The following MEI1 variants were observed in gnomAD, a reference collection of about 807,000 sequenced individuals.
The protein encoded by MEI1 is meiosis inhibitor protein 1.
Under a neutral mutation model 146.2 loss-of-function variants are expected in MEI1, and 103 were observed. That is an observed-to-expected ratio of 0.70 (90% CI 0.60 to 0.83). MEI1 has a LOEUF of 0.83. Ranked by LOEUF, MEI1 falls within the 40% of genes least tolerant of loss-of-function variation. The pLI, the probability that MEI1 is intolerant of heterozygous loss-of-function variation, is 0.00. For synonymous variants in MEI1, 652 were observed against 628.2 expected, an observed-to-expected ratio of 1.04 and a Z score of -0.57; for missense variants, 1,529 against 1,533.0, an observed-to-expected ratio of 1.00 and a Z score of 0.04.
At chr22:41,740,628 G>A (rs996222376) in intron 11 of MEI1, among the ~76,000 whole-genome samples, 8 of 152,110 alleles carry the variant, frequency 5.3e-5, no homozygotes, top group Non-Finnish European at 1.2e-4. Context: ...TACTCAAGAG[G>A]CTGAGGCAGG....
At chr22:41,751,859 C>T (rs561433585) in intron 15 of MEI1, among the ~76,000 whole-genome samples, 2 of 150,946 alleles carry the variant, frequency 1.3e-5, no homozygotes, top group East Asian at 3.9e-4. Context: ...ATCATGAGGT[C>T]AAGAGATCAA....
At chr22:41,727,955 A>C (rs981593197) in intron 7 of MEI1, among the ~76,000 whole-genome samples, 11 of 152,294 alleles carry the variant, frequency 7.2e-5, no homozygotes, top group African/African-American at 2.6e-4. Flanking sequence ...AGACTCCCAG[A>C]AGGAAAACAG....
rs766354001 is a variant in MEI1, at chr22:41,795,889, C to A, written c.3779+42C>A. On this transcript the variant is annotated intron_variant, in intron 30 of 30. Coordinates refer to ENST00000401548, the MANE Select transcript of MEI1 (RefSeq NM_152513.4). This position sits in a 1 kb window ranked among gnomAD's most constrained non-coding sequence, Gnocchi z 4.2. The stretch of plus-strand genomic sequence containing the variant: ...CTATGATGAAGGAGATGCCAAATCA[C>A]TGGGTGTTTGGGGCTTCTCTTCCTG... 1 of 1,612,682 alleles carries A rather than the reference C, an allele frequency of 6.2e-7. No individual in the cohort carries two copies. The highest frequency in any genetic ancestry group is 1.1e-5 in the South Asian group (1 of 91,014).
chr22:41,729,456 C>CT (rs2071665706), intron 7 of MEI1, among the ~76,000 whole-genome samples: 1 of 152,192 alleles, frequency 6.6e-6, no homozygotes, highest in African/African-American at 2.4e-5. Context: ...ACATTGTGTT[C>CT]TTTCCTTATT....
At chr22:41,732,685 T>C (rs2071967922) in intron 11 of MEI1, 82 bp downstream of exon 11, 1 of 1,434,928 alleles carries the variant, frequency 7.0e-7, no homozygotes, top group African/African-American at 1.4e-5. Context: ...GATATTTAAG[T>C]ATCCCTAGAT....
At chr22:41,734,258 A>G (rs918542752) in intron 11 of MEI1, among the ~76,000 whole-genome samples, 1 of 152,146 alleles carries the variant, frequency 6.6e-6, no homozygotes, top group Non-Finnish European at 1.5e-5. Context: ...GGGGTCCTGG[A>G]ACCAATTCCC....
At chr22:41,764,358 G>T (rs2074707772) in intron 19 of MEI1, among the ~76,000 whole-genome samples, 1 of 152,116 alleles carries the variant, frequency 6.6e-6, no homozygotes, top group Non-Finnish European at 1.5e-5. Flanking sequence ...GTGGATCTAG[G>T]CAATGATCAC....
intron 26 of MEI1, 104 bp downstream of exon 26, chr22:41,784,887 T>TTGAG (rs139542): frequency 0.25 from 159,114 of 631,078 alleles, 27,629 homozygotes; most frequent in African/African-American, 0.65. Context: ...GGAGGGTGGA[T>TTGAG]TAAGACTTTT....
intron 19 of MEI1, among the ~76,000 whole-genome samples, chr22:41,766,976 C>A (rs905937453): frequency 3.9e-5 from 6 of 152,160 alleles, no homozygotes; most frequent in African/African-American, 1.4e-4. Context: ...CTACTGGAGG[C>A]AGGGAAGCTC....
chr22:41,765,908 T>C (rs1053336762), intron 19 of MEI1, among the ~76,000 whole-genome samples: 2 of 141,976 alleles, frequency 1.4e-5, no homozygotes, highest in Admixed American at 7.1e-5. Flanking sequence ...TTTTTTTTTT[T>C]AGACGGAGTC....
chr22:41,756,852 C>G (rs1287123637), intron 17 of MEI1, among the ~76,000 whole-genome samples: 5 of 152,200 alleles, frequency 3.3e-5, no homozygotes, highest in Admixed American at 1.3e-4. Flanking sequence ...AGTCTCTGCC[C>G]TCAGGATGAA....
chr22:41,711,183 C>CT (rs929765806), intron 3 of MEI1, among the ~76,000 whole-genome samples: 63 of 150,034 alleles, frequency 4.2e-4, no homozygotes, highest in Non-Finnish European at 6.8e-4. Context: ...CTTTTTTTTT[C>CT]TTTTTTTTTG....
Position 41,799,397 on chromosome 22 carries a change from A to G in MEI1, c.*98A>G. ...ATGGATGACAGCTGAAGCTATTCAT[A>G]TGGAGCCATATACTCTATTGTTGAA... On this transcript the variant is annotated 3_prime_UTR_variant, in exon 31 of 31. Coordinates refer to ENST00000401548, the MANE Select transcript of MEI1 (RefSeq NM_152513.4). The G allele has an allele frequency of 2.7e-6, 3 of 1,125,986 alleles. No individual in the cohort carries two copies. The highest frequency in any genetic ancestry group is 4.0e-6 in the Non-Finnish European group (3 of 748,924). The allele number at this position is 1,125,986 out of a possible 1,614,324, so 69.7% of individuals were successfully genotyped here.
intron 27 of MEI1, 64 bp from the exon 28 acceptor site, chr22:41,794,307 G>T: frequency 7.3e-7 from 1 of 1,370,846 alleles, no homozygotes; most frequent in Admixed American, 1.7e-5. Flanking sequence ...ATAGGAGAAG[G>T]TCCTCTTGAG....
At chr22:41,796,473 C>T (rs529004765) in intron 30 of MEI1, among the ~76,000 whole-genome samples, 83 of 152,090 alleles carry the variant, frequency 5.5e-4, no homozygotes, top group Non-Finnish European at 1.0e-3. Flanking sequence ...GGATTACAGG[C>T]ATGAGCCACC....
chr22:41,751,323 G>C (rs983085078), intron 15 of MEI1, among the ~76,000 whole-genome samples: 1 of 152,208 alleles, frequency 6.6e-6, no homozygotes, highest in Admixed American at 6.5e-5. Flanking sequence ...TCCCAACCCA[G>C]GGGCTGGTGA....
intron 6 of MEI1, among the ~76,000 whole-genome samples, chr22:41,722,467 A>G (rs1406372381): frequency 7.8e-6 from 1 of 127,646 alleles, no homozygotes. Flanking sequence ...CAGCATTTTA[A>G]TTTTTTTTTT....
At chr22:41,705,402 C>T in intron 2 of MEI1, 102 bp from the exon 3 acceptor site, 1 of 949,430 alleles carries the variant, frequency 1.1e-6, no homozygotes, top group South Asian at 1.3e-5. Context: ...GAATTCCTGA[C>T]CTCAGGTAAT....
chr22:41,708,332 A>T (rs984708237), intron 3 of MEI1, among the ~76,000 whole-genome samples: 1 of 152,110 alleles, frequency 6.6e-6, no homozygotes, highest in Admixed American at 6.5e-5. Context: ...TTTGCCTTCA[A>T]CGAGGGTCTC....
Sources: allele counts gnomAD v4.1 joint callset (sites outside exome capture counted in the v4.1 genomes callset), GRCh38; gene constraint gnomAD v4.1.1; non-coding constraint Gnocchi (gnomAD v3.1); transcripts MANE v1.5; gene names NCBI Gene and HGNC (gene_info 2026-07-23, HGNC 2026-07-21).